The following BANK1 variants were observed in gnomAD, a reference collection of about 807,000 sequenced individuals.
BANK1 encodes B cell scaffold protein with ankyrin repeats 1.
Under a neutral mutation model 94.5 loss-of-function variants are expected in BANK1, and 95 were observed. That is an observed-to-expected ratio of 1.00 (90% CI 0.85 to 1.19). The LOEUF (loss-of-function observed/expected upper bound fraction) is 1.19. BANK1 is among the 50% of genes most tolerant of loss of function. The pLI is 0.00. For missense variants in BANK1, 987 were observed against 932.2 expected, an observed-to-expected ratio of 1.06 and a Z score of -0.77; for synonymous variants, 334 against 308.4, an observed-to-expected ratio of 1.08 and a Z score of -0.87.
At chr4:101,879,223 TAAA>T (rs1728592085) in intron 5 of BANK1, among the ~76,000 whole-genome samples, 1 of 151,812 alleles carries the variant, frequency 6.6e-6, no homozygotes, top group Non-Finnish European at 1.5e-5. Flanking sequence ...TAGCTAATGG[TAAA>T]GAGAGAAGAT....
At position 101,986,835 on chromosome 4, in the gene BANK1, ATATATATGTGTATATATATG is replaced by A. The variant is rs1271373830; in HGVS notation, c.1207-34671_1207-34652del. 4.7e-5 allele frequency among the ~76,000 whole-genome samples: 5 copies of A among 106,546 alleles called. No homozygotes were observed. The East Asian group carries it at 8.2e-4, about 17-fold the overall frequency. 69.9% of individuals were successfully genotyped at this position (106,546 alleles called of 152,430 possible). ...TGTATATATATGTGTATATATATGTATATATATGTGTATATATATGTATATATATATGTGTGTATGTGTGT... is the reference window on the plus strand; with the variant it reads ...TGTATATATATGTGTATATATATGTATATATATATATGTGTGTATGTGTGT... On this transcript the variant is annotated intron_variant, in intron 7 of 16. Coordinates refer to ENST00000322953, the MANE Select transcript of BANK1 (RefSeq NM_017935.5).
At chr4:102,013,539 G>A (rs1372151075) in intron 7 of BANK1, among the ~76,000 whole-genome samples, 4 of 151,972 alleles carry the variant, frequency 2.6e-5, no homozygotes, top group African/African-American at 9.7e-5. Context: ...CTATAGGAAT[G>A]GTGGCCCCAG....
At chr4:102,005,382 A>G (rs1174426503) in intron 7 of BANK1, among the ~76,000 whole-genome samples, 1 of 152,048 alleles carries the variant, frequency 6.6e-6, no homozygotes, top group African/African-American at 2.4e-5. Flanking sequence ...CATCAATAGG[A>G]CATGTTTTTC....
At chr4:102,072,078 T>G (rs1728779648) in intron 14 of BANK1, among the ~76,000 whole-genome samples, 1 of 152,192 alleles carries the variant, frequency 6.6e-6, no homozygotes, top group Non-Finnish European at 1.5e-5. Flanking sequence ...GTGGAGGTTG[T>G]TACTCAGAGG....
intron 7 of BANK1, among the ~76,000 whole-genome samples, chr4:102,007,120 T>TAA (rs1301827687): frequency 2.8e-5 from 1 of 35,290 alleles, no homozygotes. Context: ...TAAATATATA[T>TAA]TTTATATATA....
chr4:101,837,983 A>G (rs1726895472), intron 2 of BANK1, among the ~76,000 whole-genome samples: 1 of 141,416 alleles, frequency 7.1e-6, no homozygotes, highest in Non-Finnish European at 1.5e-5. Flanking sequence ...TTTTTGAGAC[A>G]GGGTCTTGCT....
chr4:101,859,683 A>C lies in BANK1; in HGVS notation c.625-2843A>C, dbSNP rs569541310. 3.9e-5 allele frequency among the ~76,000 whole-genome samples: 6 copies of C among 152,298 alleles called. No homozygotes were observed. In the South Asian group the frequency reaches 1.2e-3, roughly 32 times the overall value. On this transcript the variant is annotated intron_variant, in intron 3 of 16. Transcript: ENST00000322953. ...ACTCCCGGGAGTTGAGGAAGCTTTG[A>C]GTACTGAGAGAAGTATGGAACAGAG...
intron 11 of BANK1, among the ~76,000 whole-genome samples, chr4:102,049,933 A>G (rs1215754475): frequency 6.6e-6 from 1 of 152,224 alleles, no homozygotes; most frequent in Non-Finnish European, 1.5e-5. Context: ...TTCAGTAAAC[A>G]TACTGCACAT....
At chr4:101,977,110 C>T (rs1553937302) in intron 7 of BANK1, 2 of 152,120 alleles carry the variant, frequency 1.3e-5, no homozygotes, top group Non-Finnish European at 2.9e-5. Context: ...GCTGCAATAA[C>T]AGAAAACACA....
chr4:101,940,795 T>C (rs140565098), intron 7 of BANK1, among the ~76,000 whole-genome samples: 1 of 151,910 alleles, frequency 6.6e-6, no homozygotes, highest in Non-Finnish European at 1.5e-5. Flanking sequence ...ACATAACTCA[T>C]CATTGCTGAT....
At chr4:101,840,518 T>G (rs1028685941) in intron 2 of BANK1, among the ~76,000 whole-genome samples, 3 of 152,064 alleles carry the variant, frequency 2.0e-5, no homozygotes, top group Non-Finnish European at 4.4e-5. Context: ...AAGAAGCACC[T>G]GGCCCACTCA....
chr4:101,917,974 C>T lies in BANK1; in HGVS notation c.1010-19C>T. ...AATAAAATGAAAACATTAAATCCTACTACTTCTTATGCTTACAGATACTCA... is the reference window on the plus strand; with the variant it reads ...AATAAAATGAAAACATTAAATCCTATTACTTCTTATGCTTACAGATACTCA... On this transcript the variant is annotated intron_variant, in intron 6 of 16. Transcript: ENST00000322953. 2.6e-6 allele frequency: 4 copies of T among 1,538,734 alleles called. No homozygotes were observed. The highest frequency in any genetic ancestry group is 3.6e-6 in the Non-Finnish European group (4 of 1,124,046).
chr4:101,854,824 T>C (rs1352457508), intron 2 of BANK1, among the ~76,000 whole-genome samples: 1 of 152,192 alleles, frequency 6.6e-6, no homozygotes, highest in Non-Finnish European at 1.5e-5. Flanking sequence ...ATTACATAGT[T>C]GATTTAGTTT....
intron 6 of BANK1, among the ~76,000 whole-genome samples, chr4:101,896,673 A>C (rs567484319): frequency 6.6e-6 from 1 of 152,100 alleles, no homozygotes; most frequent in Admixed American, 6.6e-5. Context: ...TTCTTTACAT[A>C]TGACACATAA....
intron 7 of BANK1, among the ~76,000 whole-genome samples, chr4:101,946,044 A>T (rs1300731123): frequency 6.6e-6 from 1 of 152,006 alleles, no homozygotes; most frequent in Non-Finnish European, 1.5e-5. Flanking sequence ...ATCTCTCAGA[A>T]GTTTGAACGA....
Position 101,831,712 on chromosome 4 carries a change from T to C in BANK1, c.469+1506T>C, listed in dbSNP as rs145364492. ...CTGGTCTCAAACTCCTAACCTCAAG[T>C]GATCAGCCCACCTTGGCCTCCTAAA... is the stretch of plus-strand genomic sequence containing the variant. On this transcript the variant is annotated intron_variant, in intron 2 of 16. Transcript: ENST00000322953. 6.5e-3 allele frequency among the ~76,000 whole-genome samples: 993 copies of C among 152,312 alleles called. 11 individuals carry two copies. The highest frequency in any genetic ancestry group is 0.023 in the African/African-American group (940 of 41,568).
At chr4:101,944,697 T>G (rs1269238407) in intron 7 of BANK1, among the ~76,000 whole-genome samples, 1 of 151,880 alleles carries the variant, frequency 6.6e-6, no homozygotes, top group East Asian at 1.9e-4. Flanking sequence ...TCCCAGAGAT[T>G]GTAGAAGTGA....
chr4:101,986,742 G>T (rs1429782581), intron 7 of BANK1, among the ~76,000 whole-genome samples: 1 of 148,068 alleles, frequency 6.8e-6, no homozygotes. Flanking sequence ...TTCTTCTAAT[G>T]TGATTGATCC....
intron 7 of BANK1, among the ~76,000 whole-genome samples, chr4:101,931,269 T>A (rs181410386): frequency 1.3e-5 from 2 of 151,692 alleles, no homozygotes; most frequent in African/African-American, 4.8e-5. Context: ...AACATTTAAA[T>A]TTGTAGTCTG....
Sources: gnomAD v4.1 joint callset for allele counts (sites outside exome capture counted in the v4.1 genomes callset) on GRCh38, gnomAD v4.1.1 for gene constraint, MANE v1.5 for transcripts, NCBI Gene and HGNC (gene_info 2026-07-23, HGNC 2026-07-21) for gene names.